KIF5A: variants seen among roughly 807,000 people sequenced by gnomAD.
KIF5A encodes kinesin family member 5A.
In KIF5A, 35 loss-of-function variants were observed where a neutral mutation model predicts 141.3. That is an observed-to-expected ratio of 0.25 (90% CI 0.19 to 0.33). KIF5A has a LOEUF of 0.33. Ranked by LOEUF, KIF5A falls within the 10% of genes least tolerant of loss-of-function variation. The pLI is 1.00. For synonymous variants in KIF5A, 448 were observed against 500.2 expected (o/e 0.90, Z 1.39); for missense variants, 861 against 1,314.3 (o/e 0.66, Z 5.33).
Position 57,575,264 on chromosome 12 carries a change from A to T in KIF5A, c.1897A>T (p.Ile633Phe). The T allele has an allele frequency of 1.2e-6, 2 of 1,613,158 alleles. No individual in the cohort carries two copies. Among genetic ancestry groups the T allele is most frequent in the Non-Finnish European group, 1.7e-6 (2 of 1,179,646 alleles). The change falls in exon 16 of 29, where the codon ATC becomes TTC. Residue 633 changes from isoleucine to phenylalanine, a missense_variant. Coordinates refer to ENST00000455537, the MANE Select transcript of KIF5A (RefSeq NM_004984.4). ...GGAGCTCTCATCCTGCCAGCTCCTC[A>T]TCTCTCAGGTGAGTGCCTAAGTTTG... is the stretch of plus-strand genomic sequence containing the variant. The part of the protein sequence containing the change: ...GRELSSCQLL[I>F]SQHEAKIRSL...
chr12:57,560,695 G>A (rs1351590736), intron 1 of KIF5A, among the ~76,000 whole-genome samples: 1 of 151,914 alleles, frequency 6.6e-6, no homozygotes, highest in Non-Finnish European at 1.5e-5. Flanking sequence ...TTGTCTTTTT[G>A]TTACTAATTT....
chr12:57,583,391 G>A (rs1220133421), intron 28 of KIF5A, among the ~76,000 whole-genome samples, 176 bp downstream of exon 28: 1 of 152,058 alleles, frequency 6.6e-6, no homozygotes, highest in Non-Finnish European at 1.5e-5. Flanking sequence ...GCTGCCCCAT[G>A]TAATCTGGAC....
intron 23 of KIF5A, among the ~76,000 whole-genome samples, chr12:57,580,308 A>C (rs983548980): frequency 5.3e-5 from 8 of 152,092 alleles, no homozygotes; most frequent in Admixed American, 3.9e-4. Flanking sequence ...TCACTGGGGG[A>C]GGGATAACCC....
chr12:57,564,153 G>A lies in KIF5A; in HGVS notation c.337G>A (p.Ala113Thr). 6.2e-7 allele frequency: 1 copy of A among 1,614,022 alleles called. No individual in the cohort carries two copies. Among genetic ancestry groups the A allele is most frequent in the Non-Finnish European group, 8.5e-7 (1 of 1,180,000 alleles). Residue 113 changes from alanine (A) to threonine (T), a missense_variant, in exon 4 of 29, where the codon GCC becomes ACC. Ala to Thr is a moderately conservative substitution (Grantham distance 58, BLOSUM62 0). Around this residue, in one of 5 missense-constraint regions of KIF5A, gnomAD observed 146 missense variants for 353.4 expected, o/e 0.41. Coordinates refer to ENST00000455537, the MANE Select transcript of KIF5A (RefSeq NM_004984.4). ...GCTGATGGGAATCATTCCTCGAATT[G>A]CCCGAGACATCTTCAACCACATCTA... ...PQLMGIIPRIARDIFNHIYSM... is the reference protein window; with the variant it reads ...PQLMGIIPRITRDIFNHIYSM...
rs1882147720 is a variant in KIF5A, at chr12:57,568,715, A to G, written c.715-248A>G. The stretch of plus-strand genomic sequence containing the variant: ...ACTCCAGCCTGCGCAACAAGAGTGA[A>G]ACTCCATCTCAAAAAAAAAAAAAGG... On this transcript the variant is annotated intron_variant, in intron 8 of 28. Coordinates refer to ENST00000455537, the MANE Select transcript of KIF5A (RefSeq NM_004984.4). Among the ~76,000 whole-genome samples, 5 of 151,468 alleles carry G rather than the reference A, an allele frequency of 3.3e-5. No homozygotes were observed. In the South Asian group the frequency reaches 1.0e-3, roughly 32 times the overall value.
intron 1 of KIF5A, among the ~76,000 whole-genome samples, chr12:57,563,175 T>G (rs907623601): frequency 2.0e-5 from 3 of 151,812 alleles, no homozygotes; most frequent in Non-Finnish European, 4.4e-5. Flanking sequence ...CCAGGCTAAT[T>G]TTTGTATTTT....
In KIF5A at chr12:57,570,024, G is replaced by A. The variant is rs779111422; in HGVS notation, c.1155G>A (p.Glu385=). 1 of 1,613,764 alleles carries A rather than the reference G, an allele frequency of 6.2e-7. No individual in the cohort carries two copies. Among genetic ancestry groups the A allele is most frequent in the Admixed American group, 1.7e-5 (1 of 60,018 alleles). The change falls in exon 12 of 29, where the codon GAG becomes GAA. Residue 385 remains glutamate, a synonymous_variant. Coordinates refer to ENST00000455537, the MANE Select transcript of KIF5A (RefSeq NM_004984.4). ...CTGAGACAGAGCGCCTGGCTGGGGA[G>A]GAGGCAGCCCTGGGAGCCGAGCTCT... ...NVPETERLAG[E]EAALGAELCE... is the part of the protein sequence containing the mutation.
Position 57,583,358 on chromosome 12 carries a change from C to G in KIF5A, c.*36+143C>G, listed in dbSNP as rs1882665476. On this transcript the variant is annotated intron_variant, in intron 28 of 28. Transcript: ENST00000455537. ...GTAGTTACCCCTCAACTCCTGCTTT[C>G]CCCTGTTGGGGGCTACACCTGTGCT... The G allele has an allele frequency of 1.1e-4, 68 of 640,140 alleles. 1 individual carries two copies. In the South Asian group the frequency reaches 1.2e-3, roughly 12 times the overall value. The allele number at this position is 640,140 out of a possible 1,614,324, so 39.7% of individuals were successfully genotyped here.
intron 9 of KIF5A, 65 bp downstream of exon 9, chr12:57,569,132 G>T: frequency 6.5e-7 from 1 of 1,544,328 alleles, no homozygotes. Flanking sequence ...ACCTGCTAAT[G>T]CCACCATATG....
chr12:57,575,998 C>A, intron 17 of KIF5A, 89 bp from the exon 18 acceptor site: 1 of 1,321,652 alleles, frequency 7.6e-7, no homozygotes, highest in Non-Finnish European at 1.1e-6. Context: ...GGGTCCATTC[C>A]CAGCCCTGCC....
At position 57,575,739 on chromosome 12, in the gene KIF5A, G is replaced by T; in HGVS notation, c.2005G>T (p.Ala669Ser). The T allele has an allele frequency of 6.2e-7, 1 of 1,613,784 alleles. No homozygotes were observed. The highest frequency in any genetic ancestry group is 8.5e-7 in the Non-Finnish European group (1 of 1,179,664). Residue 669 changes from alanine (A) to serine (S), a missense_variant, in exon 17 of 29, where the codon GCC (alanine) becomes TCC (serine). By Grantham distance (99) the Ala-to-Ser change is moderately conservative (BLOSUM62 1). Transcript: ENST00000455537. ...CTATGACTCCTTGAGCGATGAGCTG[G>T]CCAAGCTCCAGGCCCAGGGTGAGGC... is the stretch of plus-strand genomic sequence containing the variant. ...ESYDSLSDEL[A>S]KLQAQETVHE... is the part of the protein sequence containing the mutation.
intron 26 of KIF5A, 42 bp from the exon 27 acceptor site, chr12:57,582,560 T>C (rs1565705564): frequency 6.4e-7 from 1 of 1,569,560 alleles, no homozygotes; most frequent in Non-Finnish European, 8.8e-7. Flanking sequence ...AATCTCCTTT[T>C]TTCTTCTTCT....
intron 16 of KIF5A, 97 bp from the exon 17 acceptor site, chr12:57,575,543 G>T: frequency 9.5e-7 from 1 of 1,052,250 alleles, no homozygotes. Flanking sequence ...TGTAGCAGGA[G>T]GGAGGGCTGG....
Position 57,581,503 on chromosome 12 carries a change from C to T in KIF5A, c.2844C>T (p.Asn948=). 1.9e-6 allele frequency: 3 copies of T among 1,614,148 alleles called. No individual in the cohort carries two copies. The South Asian group carries it at 3.3e-5, about 18-fold the overall frequency. The change falls in exon 25 of 29, where the codon AAC becomes AAT. Residue 948 remains asparagine (N), a synonymous_variant. Transcript: ENST00000455537. The stretch of plus-strand genomic sequence containing the variant: ...GCCCTGAGTGCATCAGTTACACCAA[C>T]AGCCTCTTCCAGAACTACCAGAATC... The part of the protein sequence containing the change: ...TRSPECISYT[N]SLFQNYQNLY...
chr12:57,577,770 A>G lies in KIF5A; in HGVS notation c.2358A>G (p.Thr786=). The G allele has an allele frequency of 4.3e-6, 7 of 1,613,056 alleles. No homozygotes were observed. Among genetic ancestry groups the G allele is most frequent in the Non-Finnish European group, 5.1e-6 (6 of 1,179,034 alleles). ...SKQDLKGLEE[T]VARELQTLHN... is the part of the protein sequence containing the mutation. ...AGGACCTCAAGGGTCTGGAGGAGAC[A>G]GTTGTGAGTGGTTCCCTTCTGTGCC... Residue 786 remains threonine, a synonymous_variant, in exon 21 of 29, where the codon ACA becomes ACG. Transcript: ENST00000455537.
At chr12:57,557,725 A>G (rs1439073284) in intron 1 of KIF5A, among the ~76,000 whole-genome samples, 1 of 151,100 alleles carries the variant, frequency 6.6e-6, no homozygotes, top group Non-Finnish European at 1.5e-5. Context: ...TTTTTTTGAG[A>G]TGGAGTCAGG....
At chr12:57,578,681 A>G (rs537395067) in intron 23 of KIF5A, among the ~76,000 whole-genome samples, 5 of 152,284 alleles carry the variant, frequency 3.3e-5, no homozygotes, top group African/African-American at 1.2e-4. Flanking sequence ...GATGGAAGGC[A>G]GGGAGATGAG....
chr12:57,576,292 G>T lies in KIF5A; in HGVS notation c.2112G>T (p.Glu704Asp). The T allele has an allele frequency of 6.2e-7, 1 of 1,614,096 alleles. No individual in the cohort carries two copies. Among genetic ancestry groups the T allele is most frequent in the South Asian group, 1.1e-5 (1 of 91,066 alleles). Reference sequence around the variant, plus strand: ...AGAAGGCTCTGGAGCTGCAGATGGAGAGTCACCGGGAGGCCCATCACCGGC... The same window carrying T: ...AGAAGGCTCTGGAGCTGCAGATGGATAGTCACCGGGAGGCCCATCACCGGC... ...EVKKALELQM[E>D]SHREAHHRQL... The change falls in exon 19 of 29, where the codon GAG (glutamate) becomes GAT (aspartate). Residue 704 changes from glutamate (E) to aspartate (D), a missense_variant. Coordinates refer to ENST00000455537, the MANE Select transcript of KIF5A (RefSeq NM_004984.4).
intron 1 of KIF5A, among the ~76,000 whole-genome samples, chr12:57,554,857 C>T (rs1336799290): frequency 6.6e-6 from 1 of 152,156 alleles, no homozygotes; most frequent in African/African-American, 2.4e-5. Context: ...ATAACTCACT[C>T]ATTACCATGG....
Sources: allele counts gnomAD v4.1 joint callset (sites outside exome capture counted in the v4.1 genomes callset), GRCh38; gene constraint gnomAD v4.1.1; regional missense constraint gnomAD v4.1.1; transcripts MANE v1.5; gene names NCBI Gene and HGNC (gene_info 2026-07-23, HGNC 2026-07-21).